SYNE3: variants seen among roughly 807,000 people sequenced by gnomAD.
The protein encoded by SYNE3 is nesprin-3.
Under a neutral mutation model 111.2 loss-of-function variants are expected in SYNE3, and 100 were observed. The observed-to-expected ratio is 0.90, with a 90% CI of 0.77 to 1.06. The LOEUF (loss-of-function observed/expected upper bound fraction) is 1.06, where lower values mean the gene tolerates loss of function less well. SYNE3 is among the 50% of genes least tolerant of loss of function. The probability of loss-of-function intolerance (pLI) is 0.00; values close to 1 mark genes in which losing one functional copy is unlikely to be tolerated. For synonymous variants in SYNE3, 547 were observed against 533.9 expected, an observed-to-expected ratio of 1.02 and a Z score of -0.34; for missense variants, 1,160 against 1,240.3, an observed-to-expected ratio of 0.94 and a Z score of 0.97.
Position 95,503,998 on chromosome 14 carries a change from C to T in SYNE3, c.-15+12598G>A, listed in dbSNP as rs115819467. Among the ~76,000 whole-genome samples the T allele has an allele frequency of 8.8e-3, 1,338 of 152,270 alleles. 23 individuals are homozygous for T. Among genetic ancestry groups the T allele is most frequent in the African/African-American group, 0.03 (1,242 of 41,552 alleles). ...CAAGACTCACCCTCCACTGCAGAGG[C>T]GGCTTCTAAACAGGAGGCTGCAAAC... On this transcript the variant is annotated intron_variant, in intron 1 of 17. Coordinates refer to ENST00000682763, the MANE Select transcript of SYNE3 (RefSeq NM_152592.6).
chr14:95,455,164 T>G (rs1312606892), intron 6 of SYNE3, among the ~76,000 whole-genome samples: 2 of 152,150 alleles, frequency 1.3e-5, no homozygotes, highest in African/African-American at 4.8e-5. Context: ...GAAAAAAGTC[T>G]CTGTAGGCCC....
intron 14 of SYNE3, chr14:95,438,648 G>A (rs1234057177): frequency 5.2e-6 from 1 of 191,986 alleles, no homozygotes; most frequent in East Asian, 1.2e-4. Flanking sequence ...AGGGATGGAT[G>A]AAACATGGCA....
chr14:95,507,941 C>T (rs566492947), intron 1 of SYNE3, among the ~76,000 whole-genome samples: 36 of 152,230 alleles, frequency 2.4e-4, no homozygotes, highest in Non-Finnish European at 5.0e-4. Flanking sequence ...GCCCATGTGA[C>T]ACTGGTCCCA....
chr14:95,488,343 G>A lies in SYNE3; in HGVS notation c.-14-12508C>T, dbSNP rs1262419723. Among the ~76,000 whole-genome samples the A allele has an allele frequency of 2.0e-5, 3 of 152,110 alleles. No individual in the cohort carries two copies. In the East Asian group the frequency reaches 5.8e-4, roughly 29 times the overall value. Reference sequence around the variant, plus strand: ...ATCCATGTCGTTGCCTGTATCAGTGGTTTGTTCCTTTTTGTTACTGAGTAC... The same window carrying A: ...ATCCATGTCGTTGCCTGTATCAGTGATTTGTTCCTTTTTGTTACTGAGTAC... On this transcript the variant is annotated intron_variant, in intron 1 of 17. Coordinates refer to ENST00000682763, the MANE Select transcript of SYNE3 (RefSeq NM_152592.6).
At chr14:95,446,207 T>C in intron 8 of SYNE3, 116 bp from the exon 9 acceptor site, 2 of 1,263,062 alleles carry the variant, frequency 1.6e-6, no homozygotes, top group East Asian at 2.3e-5. Context: ...TTTGTGCAGG[T>C]GTCTGAGGAA....
intron 1 of SYNE3, among the ~76,000 whole-genome samples, chr14:95,515,727 G>T (rs1013482448): frequency 1.3e-5 from 2 of 152,216 alleles, no homozygotes; most frequent in Non-Finnish European, 2.9e-5. Flanking sequence ...AGAGTTGAAA[G>T]GGGTGACCAG....
chr14:95,511,319 T>C (rs1396459542), intron 1 of SYNE3, among the ~76,000 whole-genome samples: 1 of 152,222 alleles, frequency 6.6e-6, no homozygotes, highest in Non-Finnish European at 1.5e-5. Flanking sequence ...TGCTTCTGTG[T>C]TTTCTTTGAG....
chr14:95,461,141 G>A (rs1887784151), intron 4 of SYNE3, among the ~76,000 whole-genome samples: 1 of 152,250 alleles, frequency 6.6e-6, no homozygotes, highest in South Asian at 2.1e-4. Flanking sequence ...TCTGCGGCGG[G>A]CAGAGCTGTC....
intron 15 of SYNE3, among the ~76,000 whole-genome samples, chr14:95,435,918 C>G (rs1053218243): frequency 6.6e-6 from 1 of 152,126 alleles, no homozygotes; most frequent in Non-Finnish European, 1.5e-5. Flanking sequence ...AAAGGAGGAT[C>G]AGCTGGGAGG....
At chr14:95,492,132 TG>T (rs745618982) in intron 1 of SYNE3, among the ~76,000 whole-genome samples, 17 of 152,218 alleles carry the variant, frequency 1.1e-4, no homozygotes, top group Non-Finnish European at 2.2e-4. Flanking sequence ...TAACCAGTGT[TG>T]GTGAAGATGT....
intron 4 of SYNE3, among the ~76,000 whole-genome samples, chr14:95,462,850 T>A (rs2139462918): frequency 6.6e-6 from 1 of 152,304 alleles, no homozygotes; most frequent in East Asian, 1.9e-4. Flanking sequence ...GCACAGAATG[T>A]TTTTTAATCT....
At chr14:95,491,147 G>A (rs1889830606) in intron 1 of SYNE3, among the ~76,000 whole-genome samples, 1 of 152,200 alleles carries the variant, frequency 6.6e-6, no homozygotes, top group Admixed American at 6.5e-5. Context: ...GGGTTGCGGG[G>A]TAAGCCTCAC....
intron 2 of SYNE3, among the ~76,000 whole-genome samples, chr14:95,473,642 AGCT>A (rs1888673357): frequency 6.6e-6 from 1 of 151,984 alleles, no homozygotes; most frequent in Non-Finnish European, 1.5e-5. Flanking sequence ...CAGTGGCTGG[AGCT>A]AAGGCCGGTG....
At position 95,411,158 on chromosome 14, in the gene SYNE3, C is replaced by T. The variant is rs1258647540; in HGVS notation, c.*6668G>A. The T allele has an allele frequency of 6.6e-6, 1 of 152,180 alleles. No homozygotes were observed. Among genetic ancestry groups the T allele is most frequent in the Non-Finnish European group, 1.5e-5 (1 of 68,054 alleles). The allele number at this position is 152,180 out of a possible 1,614,324, so 9.4% of individuals were successfully genotyped here. On this transcript the variant is annotated 3_prime_UTR_variant, in exon 18 of 18. Transcript: ENST00000682763. ...CCTGAAGAATCCAGGTATCCTCCTTCAACAGAGAACTTAGCATTTCCTAAT... is the reference window on the plus strand; with the variant it reads ...CCTGAAGAATCCAGGTATCCTCCTTTAACAGAGAACTTAGCATTTCCTAAT...
intron 1 of SYNE3, among the ~76,000 whole-genome samples, chr14:95,503,583 C>T (rs997148852): frequency 1.4e-4 from 21 of 146,546 alleles, no homozygotes; most frequent in African/African-American, 3.8e-4. Flanking sequence ...ACAGTAGACA[C>T]GAGATTGAGA....
intron 1 of SYNE3, among the ~76,000 whole-genome samples, chr14:95,491,725 T>C (rs1889859544): frequency 6.7e-6 from 1 of 148,910 alleles, no homozygotes; most frequent in Admixed American, 6.7e-5. Flanking sequence ...AATAGATAAA[T>C]TAGGCATCAT....
intron 8 of SYNE3, among the ~76,000 whole-genome samples, chr14:95,448,347 G>A (rs1486699077): frequency 6.6e-6 from 1 of 152,154 alleles, no homozygotes; most frequent in Non-Finnish European, 1.5e-5. Flanking sequence ...CTGGGAGAAG[G>A]GGCCCACTGG....
chr14:95,444,825 A>G (rs1886619258), intron 9 of SYNE3, among the ~76,000 whole-genome samples, 197 bp from the exon 10 acceptor site: 1 of 152,228 alleles, frequency 6.6e-6, no homozygotes, highest in Non-Finnish European at 1.5e-5. Context: ...GCGTCCTCAC[A>G]GAACACTTTG....
At position 95,411,066 on chromosome 14, in the gene SYNE3, TC is replaced by T. The variant is rs1484164564; in HGVS notation, c.*6759del. 2 of 151,908 alleles carry T rather than the reference TC, an allele frequency of 1.3e-5. No individual in the cohort carries two copies. Among genetic ancestry groups the T allele is most frequent in the African/African-American group, 2.4e-5 (1 of 41,324 alleles). 9.4% of individuals were successfully genotyped at this position (151,908 alleles called of 1,614,324 possible). ...AACAAGAACTGCTGAGGTCTCAGAG[TC>T]CTAACCTGTAAAATGGGTACAAAGT... On this transcript the variant is annotated 3_prime_UTR_variant, in exon 18 of 18. Coordinates refer to ENST00000682763, the MANE Select transcript of SYNE3 (RefSeq NM_152592.6).
Sources: gnomAD v4.1 joint callset for allele counts (sites outside exome capture counted in the v4.1 genomes callset) on GRCh38, gnomAD v4.1.1 for gene constraint, MANE v1.5 for transcripts, NCBI Gene and HGNC (gene_info 2026-07-23, HGNC 2026-07-21) for gene names.